The following NEK10 variants were observed in gnomAD, a reference collection of about 807,000 sequenced individuals.
NEK10 encodes serine/threonine-protein kinase Nek10.
NEK10 carries 122 observed loss-of-function variants against 159.8 expected under a neutral mutation model. The observed-to-expected ratio is 0.76, with a 90% CI of 0.66 to 0.89. The LOEUF is 0.89. Among genes scored for constraint, NEK10 ranks in the 40% least tolerant of loss-of-function variants. The probability of loss-of-function intolerance (pLI) is 0.00; values close to 1 mark genes in which losing one functional copy is unlikely to be tolerated. For missense variants in NEK10, 1,342 were observed against 1,323.1 expected (o/e 1.01, Z -0.22); for synonymous variants, 466 against 457.1 (o/e 1.02, Z -0.25).
At chr3:27,247,406 T>C (rs909316568) in intron 23 of NEK10, among the ~76,000 whole-genome samples, 1 of 152,232 alleles carries the variant, frequency 6.6e-6, no homozygotes, top group Non-Finnish European at 1.5e-5. Context: ...TCCTCCAGTC[T>C]GTTGATACAA....
chr3:27,191,871 T>C (rs966064091), intron 26 of NEK10, among the ~76,000 whole-genome samples, 158 bp downstream of exon 26: 1 of 152,248 alleles, frequency 6.6e-6, no homozygotes, highest in African/African-American at 2.4e-5. Flanking sequence ...AATTTGTATA[T>C]AAGATACAGA....
intron 9 of NEK10, 139 bp from the exon 10 acceptor site, chr3:27,309,144 G>GGT (rs2044477443): frequency 2.9e-6 from 1 of 350,260 alleles, no homozygotes; most frequent in African/African-American, 2.2e-5. Flanking sequence ...AGGCTTAACT[G>GGT]TTTTTTTTTT....
intron 5 of NEK10, among the ~76,000 whole-genome samples, chr3:27,337,720 A>G (rs1348975369): frequency 6.6e-6 from 1 of 152,220 alleles, no homozygotes; most frequent in African/African-American, 2.4e-5. Context: ...TCTTCAATAA[A>G]TGGTGCAGAA....
At chr3:27,137,996 C>T (rs1943391070) in intron 31 of NEK10, among the ~76,000 whole-genome samples, 1 of 152,192 alleles carries the variant, frequency 6.6e-6, no homozygotes, top group Admixed American at 6.5e-5. Flanking sequence ...ACATTTCTCC[C>T]TTGCCATCTA....
At chr3:27,170,603 G>A (rs1395289530) in intron 29 of NEK10, among the ~76,000 whole-genome samples, 1 of 152,048 alleles carries the variant, frequency 6.6e-6, no homozygotes, top group Non-Finnish European at 1.5e-5. Context: ...ATGGTGGCAG[G>A]TGCCTGTAAT....
chr3:27,365,597 GTTTTT>G (rs71091128), intron 1 of NEK10, among the ~76,000 whole-genome samples: 1 of 90,956 alleles, frequency 1.1e-5, no homozygotes, highest in Admixed American at 1.3e-4. Flanking sequence ...GGTTTTTTGT[GTTTTT>G]TTTTTGTGTT....
intron 30 of NEK10, among the ~76,000 whole-genome samples, chr3:27,161,971 C>T (rs1394647798): frequency 1.3e-5 from 2 of 151,422 alleles, no homozygotes; most frequent in African/African-American, 4.9e-5. Context: ...TGCCACTGCA[C>T]TCCAGCCTGG....
At chr3:27,199,121 TTAAAC>T (rs1949819557) in intron 25 of NEK10, among the ~76,000 whole-genome samples, 1 of 148,638 alleles carries the variant, frequency 6.7e-6, no homozygotes, top group Non-Finnish European at 1.5e-5. Context: ...TGGGATTTAA[TTAAAC>T]TAAAGAGCTT....
intron 23 of NEK10, among the ~76,000 whole-genome samples, chr3:27,243,503 G>C (rs1954759284): frequency 6.6e-6 from 1 of 151,946 alleles, no homozygotes; most frequent in Non-Finnish European, 1.5e-5. Context: ...TCATCACCTT[G>C]CTATCTTTTC....
chr3:27,254,636 T>G lies in NEK10; in HGVS notation c.2090+1660A>C, dbSNP rs796413446. On this transcript the variant is annotated intron_variant, in intron 23 of 35. Coordinates refer to ENST00000691995, the MANE Select transcript of NEK10 (RefSeq NM_001394966.1). ...AGGCATTTCTAATAACTCGGAGAGA[T>G]GAGAGAAGGGAGTAGAAAGAAATTT... Among the ~76,000 whole-genome samples the G allele has an allele frequency of 4.3e-4, 46 of 107,236 alleles. 2 individuals are homozygous for G. Among genetic ancestry groups the G allele is most frequent in the African/African-American group, 1.3e-3 (43 of 33,818 alleles). The allele number at this position is 107,236 out of a possible 152,430, so 70.4% of individuals were successfully genotyped here.
intron 25 of NEK10, among the ~76,000 whole-genome samples, chr3:27,194,912 A>C (rs866304683): frequency 1.3e-5 from 2 of 152,338 alleles, no homozygotes; most frequent in Middle Eastern, 3.4e-3. Flanking sequence ...ACAAAAAAAT[A>C]TATTTATTTT....
intron 23 of NEK10, among the ~76,000 whole-genome samples, chr3:27,225,145 A>G (rs1952495392): frequency 6.6e-6 from 1 of 152,238 alleles, no homozygotes; most frequent in Admixed American, 6.5e-5. Flanking sequence ...TCCAGTGTTC[A>G]AGGGCAGGAA....
intron 30 of NEK10, among the ~76,000 whole-genome samples, chr3:27,146,425 T>A (rs1202352224): frequency 6.6e-6 from 1 of 151,946 alleles, no homozygotes; most frequent in African/African-American, 2.4e-5. Flanking sequence ...TTTGGACAAC[T>A]GGAGAAAAAA....
At chr3:27,268,992 A>G (rs2041124155) in intron 22 of NEK10, among the ~76,000 whole-genome samples, 1 of 152,206 alleles carries the variant, frequency 6.6e-6, no homozygotes, top group Non-Finnish European at 1.5e-5. Flanking sequence ...AGGGTTCAAG[A>G]TTTCAGTGAA....
At chr3:27,123,503 G>T (rs1575397492) in intron 32 of NEK10, among the ~76,000 whole-genome samples, 1 of 152,140 alleles carries the variant, frequency 6.6e-6, no homozygotes, top group East Asian at 1.9e-4. Flanking sequence ...AGGAAAACAA[G>T]TTCCATTCAT....
intron 18 of NEK10, 43 bp from the exon 19 acceptor site, chr3:27,290,797 AAAG>A (rs2042945097): frequency 1.4e-6 from 2 of 1,469,916 alleles, no homozygotes; most frequent in Non-Finnish European, 1.9e-6. Flanking sequence ...GGAACAGGGT[AAAG>A]AAGGAGAAGA....
chr3:27,143,598 A>G, intron 30 of NEK10: 1 of 521,462 alleles, frequency 1.9e-6, no homozygotes, highest in Non-Finnish European at 3.4e-6. Context: ...CAATCCCAAC[A>G]CATCCTTGAC....
At chr3:27,199,158 C>A (rs1949822473) in intron 25 of NEK10, among the ~76,000 whole-genome samples, 1 of 151,510 alleles carries the variant, frequency 6.6e-6, no homozygotes, top group African/African-American at 2.4e-5. Context: ...AGGATACTAT[C>A]AACAGAGTAA....
At chr3:27,141,376 A>G in intron 31 of NEK10, 106 bp downstream of exon 31, 1 of 776,020 alleles carries the variant, frequency 1.3e-6, no homozygotes, top group Non-Finnish European at 2.1e-6. Context: ...GCTGGGGAGG[A>G]TAAGAACAAG....
Sources: allele counts gnomAD v4.1 joint callset (sites outside exome capture counted in the v4.1 genomes callset), GRCh38; gene constraint gnomAD v4.1.1; transcripts MANE v1.5; gene names NCBI Gene and HGNC (gene_info 2026-07-23, HGNC 2026-07-21).